LRP1B: variants seen among roughly 807,000 people sequenced by gnomAD.
LRP1B encodes the protein LDL receptor related protein 1B.
A neutral mutation model predicts 556.6 loss-of-function variants in LRP1B; 217 were observed. The observed-to-expected ratio is 0.39, with a 90% CI of 0.35 to 0.44. LRP1B has a LOEUF of 0.44. LRP1B is among the 20% of genes least tolerant of loss of function. The pLI is 1.00. For missense variants in LRP1B, 5,053 were observed against 5,620.8 expected (o/e 0.90, Z 3.23); for synonymous variants, 2,047 against 1,865.8 (o/e 1.10, Z -2.50).
intron 2 of LRP1B, among the ~76,000 whole-genome samples, chr2:141,762,022 T>C (rs1377786264): frequency 6.6e-6 from 1 of 152,166 alleles, no homozygotes; most frequent in Non-Finnish European, 1.5e-5. Context: ...TTCACAGCAA[T>C]CTTTTCTTCA....
At chr2:141,851,856 C>G (rs180787137) in intron 1 of LRP1B, among the ~76,000 whole-genome samples, 2 of 151,794 alleles carry the variant, frequency 1.3e-5, no homozygotes, top group Admixed American at 1.3e-4. Flanking sequence ...CTAAATTAGG[C>G]TAGACTTTTC....
intron 3 of LRP1B, among the ~76,000 whole-genome samples, chr2:141,441,228 C>T (rs2105003832): frequency 6.6e-6 from 1 of 152,232 alleles, no homozygotes; most frequent in African/African-American, 2.4e-5. Context: ...AGGTGCCTGC[C>T]ACCATGCCTG....
intron 3 of LRP1B, among the ~76,000 whole-genome samples, chr2:141,258,561 T>G (rs543592666): frequency 6.6e-6 from 1 of 152,200 alleles, no homozygotes; most frequent in African/African-American, 2.4e-5. Flanking sequence ...CAGATCCACT[T>G]TGTTCTGTTT....
At chr2:140,594,611 T>C (rs1344632412) in intron 43 of LRP1B, among the ~76,000 whole-genome samples, 3 of 152,184 alleles carry the variant, frequency 2.0e-5, no homozygotes, top group Admixed American at 1.3e-4. Flanking sequence ...ATAGGTTACT[T>C]CTTTCTCATT....
chr2:141,401,136 C>T (rs928620115), intron 3 of LRP1B, among the ~76,000 whole-genome samples: 5 of 152,116 alleles, frequency 3.3e-5, no homozygotes, highest in Non-Finnish European at 7.4e-5. Flanking sequence ...GCAAAATATT[C>T]CCTTACTGAC....
chr2:141,553,505 A>G (rs1218163651), intron 2 of LRP1B, among the ~76,000 whole-genome samples: 1 of 151,550 alleles, frequency 6.6e-6, no homozygotes, highest in Non-Finnish European at 1.5e-5. Flanking sequence ...ACAGGCAAAC[A>G]TCTGCATAAA....
Position 140,640,113 on chromosome 2 carries a change from CT to C in LRP1B, c.6800-38475del, listed in dbSNP as rs1055438618. Reference sequence around the variant, plus strand: ...CGCCTCCCGGGTTCACGCCATTCTCCTGCCTCAGCCTCCCGAGTAGCTGGGA... The same window carrying C: ...CGCCTCCCGGGTTCACGCCATTCTCCGCCTCAGCCTCCCGAGTAGCTGGGA... On this transcript the variant is annotated intron_variant, in intron 41 of 90. Coordinates refer to ENST00000389484, the MANE Select transcript of LRP1B (RefSeq NM_018557.3). 5.7e-4 allele frequency among the ~76,000 whole-genome samples: 86 copies of C among 151,916 alleles called. 1 individual carries two copies. The highest frequency in any genetic ancestry group is 2.0e-3 in the African/African-American group (84 of 41,450).
At chr2:140,343,909 G>T (rs1245767743) in intron 77 of LRP1B, among the ~76,000 whole-genome samples, 3 of 151,770 alleles carry the variant, frequency 2.0e-5, no homozygotes, top group Admixed American at 6.6e-5. Flanking sequence ...GTAGTTGCCT[G>T]GTGATGGGAG....
intron 41 of LRP1B, among the ~76,000 whole-genome samples, chr2:140,657,596 T>C (rs1399188516): frequency 7.1e-6 from 1 of 141,580 alleles, no homozygotes; most frequent in African/African-American, 2.6e-5. Context: ...CATACATACA[T>C]ATATATACAT....
At chr2:141,256,834 T>C (rs565397504) in intron 3 of LRP1B, among the ~76,000 whole-genome samples, 1 of 151,806 alleles carries the variant, frequency 6.6e-6, no homozygotes, top group South Asian at 2.1e-4. Flanking sequence ...AGTGGAGATA[T>C]CAATTTGGAA....
chr2:141,434,867 C>T lies in LRP1B; in HGVS notation c.343+45529G>A, dbSNP rs60595632. Among the ~76,000 whole-genome samples, 682 of 152,240 alleles carry T rather than the reference C, an allele frequency of 4.5e-3. 5 individuals carry two copies. The highest frequency in any genetic ancestry group is 0.015 in the African/African-American group (634 of 41,530). ...TGATATCCCTACTCAGATTTCTCTCCGCATTTTTTCTTTTAATCTGGCTAC... is the reference window on the plus strand; with the variant it reads ...TGATATCCCTACTCAGATTTCTCTCTGCATTTTTTCTTTTAATCTGGCTAC... On this transcript the variant is annotated intron_variant, in intron 3 of 90. Transcript: ENST00000389484.
At chr2:141,440,993 C>T (rs1680942480) in intron 3 of LRP1B, among the ~76,000 whole-genome samples, 1 of 152,170 alleles carries the variant, frequency 6.6e-6, no homozygotes, top group Admixed American at 6.5e-5. Context: ...CCCTCAGACC[C>T]TGCCCCACAA....
intron 59 of LRP1B, 119 bp downstream of exon 59, chr2:140,485,224 A>G (rs1688417088): frequency 1.7e-6 from 1 of 593,360 alleles, no homozygotes; most frequent in Non-Finnish European, 2.6e-6. Context: ...TCTAAGTGAG[A>G]ATTTCTGCAC....
intron 3 of LRP1B, among the ~76,000 whole-genome samples, chr2:141,373,643 T>G (rs756182938): frequency 5.9e-5 from 9 of 152,024 alleles, no homozygotes; most frequent in Admixed American, 2.0e-4. Context: ...TTAGCTGACA[T>G]AAATATTGCT....
intron 47 of LRP1B, among the ~76,000 whole-genome samples, chr2:140,526,828 A>G (rs4508541): frequency 0.98 from 148,948 of 151,876 alleles, 73,079 homozygotes; most frequent in Non-Finnish European, 1. Flanking sequence ...GCCAAGAAGT[A>G]AAGCATTTCC....
chr2:141,580,588 G>A (rs932254502), intron 2 of LRP1B, among the ~76,000 whole-genome samples: 1 of 152,142 alleles, frequency 6.6e-6, no homozygotes, highest in Non-Finnish European at 1.5e-5. Context: ...CCTAGATGGT[G>A]CCAACATATC....
At chr2:140,970,366 A>C (rs1162868989) in intron 18 of LRP1B, among the ~76,000 whole-genome samples, 2 of 152,082 alleles carry the variant, frequency 1.3e-5, no homozygotes, top group East Asian at 1.9e-4. Context: ...CATGGTTTTC[A>C]GCTCCATCAG....
rs1553564476 is a variant in LRP1B, at chr2:140,949,961, A to AG, written c.3136+273_3136+274insC. ...CTCAAAAAAAAAAAAAAAAAAAAAA[A>AG]AAAGAAAAAAAGCAGTAAGTAAAGC... On this transcript the variant is annotated intron_variant, in intron 20 of 90. Coordinates refer to ENST00000389484, the MANE Select transcript of LRP1B (RefSeq NM_018557.3). Among the ~76,000 whole-genome samples the AG allele has an allele frequency of 7.8e-4, 71 of 90,898 alleles. 3 individuals are homozygous for AG. The highest frequency in any genetic ancestry group is 9.5e-4 in the South Asian group (3 of 3,154). The allele number at this position is 90,898 out of a possible 152,430, so 59.6% of individuals were successfully genotyped here. A position where few individuals can be genotyped will look rare whatever the true frequency, so the allele number is the denominator to read the frequency against.
chr2:140,904,735 A>G (rs2105226574), intron 22 of LRP1B, among the ~76,000 whole-genome samples: 1 of 152,298 alleles, frequency 6.6e-6, no homozygotes, highest in South Asian at 2.1e-4. Context: ...ACCCATAATC[A>G]TAAGCATCTT....
Sources: gnomAD v4.1 joint callset for allele counts (sites outside exome capture counted in the v4.1 genomes callset) on GRCh38, gnomAD v4.1.1 for gene constraint, MANE v1.5 for transcripts, NCBI Gene and HGNC (gene_info 2026-07-23, HGNC 2026-07-21) for gene names.